The following GALK2 variants were observed in gnomAD, a reference collection of about 807,000 sequenced individuals.
GALK2 encodes N-acetylgalactosamine kinase.
In GALK2, 36 loss-of-function variants were observed where a neutral mutation model predicts 52.4. The ratio of observed to expected loss-of-function variants is 0.69; its 90% CI spans 0.53 to 0.91. The LOEUF (loss-of-function observed/expected upper bound fraction) is 0.91, where lower values mean the gene tolerates loss of function less well. GALK2 is among the 40% of genes least tolerant of loss of function. The pLI is 0.00. For missense variants in GALK2, 579 were observed against 559.1 expected (o/e 1.04, Z -0.36); for synonymous variants, 176 against 199.1 (o/e 0.88, Z 0.98).
chr15:49,190,310 G>A (rs1199441119), intron 1 of GALK2, among the ~76,000 whole-genome samples: 13 of 151,908 alleles, frequency 8.6e-5, no homozygotes, highest in Admixed American at 8.5e-4. Flanking sequence ...CATAGAAATC[G>A]CAAATTGCGT....
At chr15:49,345,341 T>G (rs878899365) in intron 3 of GALK2, among the ~76,000 whole-genome samples, 2 of 152,168 alleles carry the variant, frequency 1.3e-5, no homozygotes, top group Admixed American at 1.3e-4. Context: ...GTTGTACATT[T>G]GTGCTGTATA....
At chr15:49,248,995 A>G (rs2091475243) in intron 5 of GALK2, among the ~76,000 whole-genome samples, 1 of 152,154 alleles carries the variant, frequency 6.6e-6, no homozygotes, top group South Asian at 2.1e-4. Context: ...GTTATTACTC[A>G]GTGACTGTGT....
intron 3 of GALK2, among the ~76,000 whole-genome samples, chr15:49,362,605 C>A (rs551490383): frequency 6.6e-6 from 1 of 152,126 alleles, no homozygotes; most frequent in African/African-American, 2.4e-5. Flanking sequence ...TCTTTTGCTG[C>A]GCAGAAGGTC....
At chr15:49,347,866 C>T (rs1490990335) in intron 3 of GALK2, among the ~76,000 whole-genome samples, 3 of 151,596 alleles carry the variant, frequency 2.0e-5, no homozygotes, top group South Asian at 4.2e-4. Flanking sequence ...TAAAAATATA[C>T]AAATTAGCTG....
Position 49,304,015 on chromosome 15 carries a change from T to C in GALK2, c.967+11478T>C, listed in dbSNP as rs749428280. Among the ~76,000 whole-genome samples the C allele has an allele frequency of 6.5e-4, 99 of 152,222 alleles. 2 individuals are homozygous for C. Among genetic ancestry groups the C allele is most frequent in the Non-Finnish European group, 1.1e-3 (75 of 68,044 alleles). On this transcript the variant is annotated intron_variant, in intron 8 of 9. Transcript: ENST00000560031. ...TCAGCTGTGAAGTTATTAGATACTA[T>C]GTTTTGAGTAGAATGAGGCTTCTGC...
intron 8 of GALK2, among the ~76,000 whole-genome samples, chr15:49,298,637 A>ATTT (rs1555428078): frequency 2.0e-5 from 3 of 152,014 alleles, no homozygotes; most frequent in Non-Finnish European, 4.4e-5. Flanking sequence ...CTTGAATTTT[A>ATTT]TTGAAAGTCT....
intron 2 of GALK2, among the ~76,000 whole-genome samples, chr15:49,208,988 G>C (rs756883121): frequency 2.0e-5 from 3 of 151,956 alleles, no homozygotes; most frequent in Admixed American, 2.0e-4. Context: ...TGCTCGCTTT[G>C]GTGTCCATTT....
At chr15:49,360,147 A>G (rs1489611312) in intron 3 of GALK2, among the ~76,000 whole-genome samples, 1 of 150,684 alleles carries the variant, frequency 6.6e-6, no homozygotes, top group East Asian at 2.0e-4. Context: ...CTGGATGACA[A>G]GTTAGTGGGT....
chr15:49,311,535 A>C lies in GALK2; in HGVS notation c.968-8069A>C, dbSNP rs527285132. On this transcript the variant is annotated intron_variant, in intron 8 of 9. Transcript: ENST00000560031. The stretch of plus-strand genomic sequence containing the variant: ...TATAATCTCGACGTCTTTGCTCTTA[A>C]CGTTCTTTCTGCCCAACCCTTTTCT... Among the ~76,000 whole-genome samples the C allele has an allele frequency of 3.3e-5, 5 of 152,286 alleles. No homozygotes were observed. The South Asian group carries it at 1.0e-3, about 32-fold the overall frequency.
chr15:49,238,070 T>C (rs965458936), intron 4 of GALK2, among the ~76,000 whole-genome samples: 3 of 152,204 alleles, frequency 2.0e-5, no homozygotes, highest in African/African-American at 7.2e-5. Context: ...GTCTTTTATT[T>C]GCAGAATTTT....
intron 3 of GALK2, among the ~76,000 whole-genome samples, chr15:49,343,278 A>C (rs1484515728): frequency 1.3e-5 from 2 of 151,868 alleles, no homozygotes; most frequent in African/African-American, 4.8e-5. Context: ...ACTGGTCTTC[A>C]AGCTCTGAGG....
intron 2 of GALK2, among the ~76,000 whole-genome samples, chr15:49,211,605 G>T (rs912415597): frequency 1.3e-5 from 2 of 152,168 alleles, no homozygotes; most frequent in Non-Finnish European, 2.9e-5. Context: ...AAAAAAAGAG[G>T]TTTAATTGGC....
chr15:49,320,703 A>G (rs542635818), intron 9 of GALK2, among the ~76,000 whole-genome samples: 2 of 152,376 alleles, frequency 1.3e-5, no homozygotes, highest in East Asian at 1.9e-4. Context: ...CCAGCTTGTC[A>G]AAAGACTTGA....
intron 3 of GALK2, among the ~76,000 whole-genome samples, chr15:49,351,509 G>T (rs1279530137): frequency 2.0e-5 from 3 of 152,170 alleles, no homozygotes; most frequent in Non-Finnish European, 2.9e-5. Flanking sequence ...GACTATTGGA[G>T]ATCTACAAGA....
intron 3 of GALK2, among the ~76,000 whole-genome samples, chr15:49,225,023 G>A (rs866654458): frequency 1.3e-5 from 2 of 152,210 alleles, no homozygotes; most frequent in Middle Eastern, 3.2e-3. Flanking sequence ...GTGCTTAAGA[G>A]TGGTGGCCAG....
intron 5 of GALK2, among the ~76,000 whole-genome samples, chr15:49,280,864 G>C (rs746994216): frequency 2.6e-5 from 4 of 151,892 alleles, no homozygotes; most frequent in Non-Finnish European, 5.9e-5. Flanking sequence ...TTGAGAAGGG[G>C]TCTTACTCTG....
At chr15:49,165,998 T>C (rs1004516844), upstream of GALK2, among the ~76,000 whole-genome samples, 1 of 151,972 alleles carries the variant, frequency 6.6e-6, no homozygotes. Context: ...GAGATGGGGT[T>C]TCACTGTGTT....
chr15:49,286,459 C>G (rs1040395027), intron 7 of GALK2, among the ~76,000 whole-genome samples: 1 of 152,188 alleles, frequency 6.6e-6, no homozygotes, highest in Non-Finnish European at 1.5e-5. Context: ...CACTTCTCCT[C>G]TTACTTCTAT....
upstream of GALK2, chr15:49,170,090 C>T: frequency 1.1e-5 from 10 of 890,974 alleles, no homozygotes; most frequent in South Asian, 1.3e-4. Flanking sequence ...AAGAGCAGGA[C>T]GGAGGCTGTA....
Sources: allele counts gnomAD v4.1 joint callset (sites outside exome capture counted in the v4.1 genomes callset), GRCh38; gene constraint gnomAD v4.1.1; transcripts MANE v1.5; gene names NCBI Gene and HGNC (gene_info 2026-07-23, HGNC 2026-07-21).